TSPEAR: variants seen among roughly 807,000 people sequenced by gnomAD.
The protein encoded by TSPEAR is thrombospondin type laminin G domain and EAR repeats.
TSPEAR carries 69 observed loss-of-function variants against 71.6 expected under a neutral mutation model. That is an observed-to-expected ratio of 0.96 (90% CI 0.79 to 1.18). TSPEAR has a LOEUF of 1.18. TSPEAR is among the 50% of genes most tolerant of loss of function. The pLI, the probability that TSPEAR is intolerant of heterozygous loss-of-function variation, is 0.00. For synonymous variants in TSPEAR, 402 were observed against 387.2 expected, an observed-to-expected ratio of 1.04 and a Z score of -0.45; for missense variants, 971 against 894.9, an observed-to-expected ratio of 1.09 and a Z score of -1.09.
At chr21:44,563,785 C>T (rs980834602) in intron 2 of TSPEAR, among the ~76,000 whole-genome samples, 3 of 152,178 alleles carry the variant, frequency 2.0e-5, no homozygotes, top group Admixed American at 6.5e-5. Context: ...ATCCTCTGGT[C>T]GCAGTTTCAA....
At position 44,693,776 on chromosome 21, in the gene TSPEAR, T is replaced by C. The variant is rs11908904; in HGVS notation, c.82+17657A>G. On this transcript the variant is annotated intron_variant, in intron 1 of 11. Transcript: ENST00000323084. ...AAACATTTTGGTGGTTCCTTAAAAG[T>C]TAAACATAGAATTACCACATGACTC... is the stretch of plus-strand genomic sequence containing the variant. Among the ~76,000 whole-genome samples, 954 of 152,064 alleles carry C rather than the reference T, an allele frequency of 6.3e-3. 16 individuals carry two copies. Among genetic ancestry groups the C allele is most frequent in the African/African-American group, 0.022 (899 of 41,458 alleles).
intron 1 of TSPEAR, chr21:44,638,025 G>A: frequency 1.9e-6 from 3 of 1,613,368 alleles, no homozygotes; most frequent in South Asian, 1.1e-5. Context: ...TCCACCTGCT[G>A]CGTGCCCGTC....
chr21:44,708,960 G>T (rs1988077489), intron 1 of TSPEAR, among the ~76,000 whole-genome samples: 2 of 152,366 alleles, frequency 1.3e-5, no homozygotes, highest in South Asian at 4.1e-4. Context: ...TAGCTCAGGG[G>T]CTGAGGCCTC....
At chr21:44,540,132 A>G in intron 2 of TSPEAR, 4 of 1,613,606 alleles carry the variant, frequency 2.5e-6, no homozygotes, top group Non-Finnish European at 3.4e-6. Context: ...GAGCAGACGG[A>G]CATGGTGGAC....
At position 44,498,146 on chromosome 21, in the gene TSPEAR, G is replaced by C. The variant is rs1220978557; in HGVS notation, c.*1637C>G. On this transcript the variant is annotated 3_prime_UTR_variant, in exon 12 of 12. Transcript: ENST00000323084. ...CTTTCCATGAGATAAGGGGCACACAGAGCAGCCACTAGTGGAGATGCTGAC... is the reference window on the plus strand; with the variant it reads ...CTTTCCATGAGATAAGGGGCACACACAGCAGCCACTAGTGGAGATGCTGAC... 1 of 150,958 alleles carries C rather than the reference G, an allele frequency of 6.6e-6. No homozygotes were observed. The highest frequency in any genetic ancestry group is 2.5e-5 in the African/African-American group (1 of 40,228). 9.4% of individuals were successfully genotyped at this position (150,958 alleles called of 1,614,324 possible). A position where few individuals can be genotyped will look rare whatever the true frequency, so the allele number is the denominator to read the frequency against.
chr21:44,507,520 T>G (rs996779627), intron 10 of TSPEAR, among the ~76,000 whole-genome samples: 2 of 152,130 alleles, frequency 1.3e-5, no homozygotes, highest in Non-Finnish European at 2.9e-5. Context: ...AACATTACCT[T>G]AATTAATTGG....
intron 1 of TSPEAR, among the ~76,000 whole-genome samples, chr21:44,576,855 C>T (rs922268045): frequency 5.9e-5 from 9 of 152,162 alleles, no homozygotes; most frequent in Admixed American, 3.3e-4. Context: ...TTAAAGTGCA[C>T]GTGGAACATC....
Position 44,593,234 on chromosome 21 carries a change from G to T in TSPEAR, c.83-25229C>A, listed in dbSNP as rs587696532. On this transcript the variant is annotated intron_variant, in intron 1 of 11. Transcript: ENST00000323084. The surrounding 1 kb of genome is among the most constrained non-coding windows in gnomAD (Gnocchi z 5.9). The stretch of plus-strand genomic sequence containing the variant: ...GAGTAACCGTGCTGAGCAGCGGGCG[G>T]TCAGCAGCCCTCGTCCCCGCCTGGG... Among the ~76,000 whole-genome samples, 17 of 152,164 alleles carry T rather than the reference G, an allele frequency of 1.1e-4. No homozygotes were observed. The highest frequency in any genetic ancestry group is 2.0e-4 in the Admixed American group (3 of 15,282).
chr21:44,622,348 G>A (rs1457159122), intron 1 of TSPEAR, among the ~76,000 whole-genome samples: 3 of 152,068 alleles, frequency 2.0e-5, no homozygotes, highest in African/African-American at 7.2e-5. Context: ...TGGATCTAGT[G>A]TTTTGAGATT....
intron 1 of TSPEAR, among the ~76,000 whole-genome samples, chr21:44,641,184 G>A (rs1984000900): frequency 6.6e-6 from 1 of 152,244 alleles, no homozygotes; most frequent in African/African-American, 2.4e-5. Flanking sequence ...CCTCAGACAT[G>A]TGAGGAAATC....
At chr21:44,634,677 T>G (rs1353338285) in intron 1 of TSPEAR, among the ~76,000 whole-genome samples, 4 of 152,194 alleles carry the variant, frequency 2.6e-5, no homozygotes, top group Admixed American at 6.5e-5. Context: ...AGTCCTTTAA[T>G]AGACATTTCT....
chr21:44,571,494 G>A (rs782717458), intron 1 of TSPEAR, among the ~76,000 whole-genome samples: 1 of 152,222 alleles, frequency 6.6e-6, no homozygotes, highest in Non-Finnish European at 1.5e-5. Context: ...GGGAGGGCTG[G>A]GAAAGCAACA....
At chr21:44,598,312 C>G (rs1980507132) in intron 1 of TSPEAR, among the ~76,000 whole-genome samples, 1 of 152,174 alleles carries the variant, frequency 6.6e-6, no homozygotes, top group Non-Finnish European at 1.5e-5. Context: ...GCGGCGCAAT[C>G]CCAGCCAATG....
At chr21:44,672,462 C>G (rs1414371555) in intron 1 of TSPEAR, among the ~76,000 whole-genome samples, 1 of 151,966 alleles carries the variant, frequency 6.6e-6, no homozygotes, top group South Asian at 2.1e-4. Flanking sequence ...CCCAGCTACT[C>G]GGGAGGCTGA....
intron 2 of TSPEAR, among the ~76,000 whole-genome samples, chr21:44,554,059 A>G (rs1169294240): frequency 6.6e-6 from 1 of 152,232 alleles, no homozygotes; most frequent in East Asian, 1.9e-4. Context: ...AGTGATTGTT[A>G]TGGATGGAAT....
In TSPEAR at chr21:44,527,314, C is replaced by A; in HGVS notation, c.1127G>T (p.Arg376Met). 6.2e-7 allele frequency: 1 copy of A among 1,614,162 alleles called. No individual in the cohort carries two copies. Among genetic ancestry groups the A allele is most frequent in the South Asian group, 1.1e-5 (1 of 91,082 alleles). ...NIPTHQAQAW[R>M]HFTIGKKIFL... Reference sequence around the variant, plus strand: ...TGCCTTTTTCCCGATGGTGAAATGCCTCCAGGCCTGTGCTTGGTGCGTGGG... The same window carrying A: ...TGCCTTTTTCCCGATGGTGAAATGCATCCAGGCCTGTGCTTGGTGCGTGGG... Residue 376 changes from arginine to methionine, a missense_variant, in exon 7 of 12, where the codon AGG becomes ATG. By Grantham distance (91) the Arg-to-Met change is moderately conservative (BLOSUM62 -1). Coordinates refer to ENST00000323084, the MANE Select transcript of TSPEAR (RefSeq NM_144991.3).
In TSPEAR at chr21:44,545,115, C is replaced by G. The variant is rs587637567; in HGVS notation, c.304-11192G>C. Among the ~76,000 whole-genome samples, 6 of 151,478 alleles carry G rather than the reference C, an allele frequency of 4.0e-5. No individual in the cohort carries two copies. In the South Asian group the frequency reaches 1.0e-3, roughly 26 times the overall value. ...TGGGAGGATCACAAGGTCAGGAGAT[C>G]GAGACCATCCTGGCTAACATGGTGA... is the stretch of plus-strand genomic sequence containing the variant. On this transcript the variant is annotated intron_variant, in intron 2 of 11. Transcript: ENST00000323084.
chr21:44,557,518 GGA>G (rs1338321350), intron 2 of TSPEAR, among the ~76,000 whole-genome samples: 2 of 152,218 alleles, frequency 1.3e-5, no homozygotes, highest in African/African-American at 2.4e-5. Context: ...GGCAGAGGAA[GGA>G]GAGAGGGGGA....
chr21:44,618,464 A>G (rs1330222564), intron 1 of TSPEAR, among the ~76,000 whole-genome samples: 1 of 152,254 alleles, frequency 6.6e-6, no homozygotes. Context: ...ACCTGGTAAA[A>G]TCAACTTTAT....
Sources: allele counts gnomAD v4.1 joint callset (sites outside exome capture counted in the v4.1 genomes callset), GRCh38; gene constraint gnomAD v4.1.1; non-coding constraint Gnocchi (gnomAD v3.1); transcripts MANE v1.5; gene names NCBI Gene and HGNC (gene_info 2026-07-23, HGNC 2026-07-21).